SATB2: variants seen among roughly 807,000 people sequenced by gnomAD.
The protein encoded by SATB2 is DNA-binding protein SATB2.
SATB2 carries 1 observed loss-of-function variant against 73.4 expected under a neutral mutation model. That is an observed-to-expected ratio of 0.01 (90% CI 0.00 to 0.06). The LOEUF (loss-of-function observed/expected upper bound fraction) is 0.06. SATB2 is among the 10% of genes least tolerant of loss of function. The pLI is 1.00. For missense variants in SATB2, 459 were observed against 945.8 expected, an observed-to-expected ratio of 0.49 and a Z score of 6.75; for synonymous variants, 397 against 367.0, an observed-to-expected ratio of 1.08 and a Z score of -0.93.
At chr2:199,409,649 AGTTTTTTTTGTTTTTTTTT>A (rs1457331148) in intron 3 of SATB2, among the ~76,000 whole-genome samples, 1 of 91,068 alleles carries the variant, frequency 1.1e-5, no homozygotes, top group Non-Finnish European at 2.9e-5. Flanking sequence ...AACCAAGACA[AGTTTTTTTTGTTTTTTTTT>A]GTTTTTTTTT....
At chr2:199,444,853 C>A (rs1691917813) in intron 2 of SATB2, among the ~76,000 whole-genome samples, 1 of 152,138 alleles carries the variant, frequency 6.6e-6, no homozygotes, top group South Asian at 2.1e-4. Flanking sequence ...TTTGTTAACA[C>A]AAATAGGATC....
At position 199,455,997 on chromosome 2, in the gene SATB2, G is replaced by T; in HGVS notation, c.41C>A (p.Pro14His). The change falls in exon 2 of 11, where the codon CCC becomes CAC. Residue 14 changes from proline (P) to histidine (H), a missense_variant. By Grantham distance (77) the Pro-to-His change is moderately conservative (BLOSUM62 -2). Coordinates refer to ENST00000417098, the MANE Select transcript of SATB2 (RefSeq NM_001172509.2). This position sits in a 1 kb window ranked among gnomAD's most constrained non-coding sequence, Gnocchi z 4.1. ...RSESPCLRDS[P>H]DRRSGSPDVK... ...GTCCGGGCTGCCGCTCCGCCGGTCG[G>T]GGCTGTCCCGCAGACACGGGCTCTC... The T allele has an allele frequency of 6.5e-7, 1 of 1,542,400 alleles. No individual in the cohort carries two copies.
chr2:199,406,401 A>G (rs1172306538), intron 3 of SATB2, among the ~76,000 whole-genome samples: 1 of 152,160 alleles, frequency 6.6e-6, no homozygotes, highest in Admixed American at 6.5e-5. Context: ...ATATGTTAAT[A>G]TGTTTCATTT....
At chr2:199,309,306 G>T (rs1450811340) in intron 9 of SATB2, among the ~76,000 whole-genome samples, 1 of 152,230 alleles carries the variant, frequency 6.6e-6, no homozygotes, top group East Asian at 1.9e-4. Flanking sequence ...ACCCAACTGG[G>T]CAGCATTTCA....
chr2:199,459,766 A>G (rs1417137164), upstream of SATB2: 1 of 152,666 alleles, frequency 6.6e-6, no homozygotes, highest in African/African-American at 2.4e-5. This position sits in a 1 kb window ranked among gnomAD's most constrained non-coding sequence, Gnocchi z 4.2. Flanking sequence ...TCTCGGGAGC[A>G]GTTCTGTAAA....
In SATB2 at chr2:199,344,362, C is replaced by A. The variant is rs567777649; in HGVS notation, c.1173+4339G>T. 3.9e-5 allele frequency among the ~76,000 whole-genome samples: 6 copies of A among 152,180 alleles called. No individual in the cohort carries two copies. In the South Asian group the frequency reaches 1.2e-3, roughly 32 times the overall value. On this transcript the variant is annotated intron_variant, in intron 7 of 10. Transcript: ENST00000417098. The stretch of plus-strand genomic sequence containing the variant: ...TATGCAACAGACTTTCTCAAAAGGA[C>A]CAGAGCCTTTCATAACCCCAGTCCA...
intron 6 of SATB2, among the ~76,000 whole-genome samples, chr2:199,359,545 C>T (rs1321135759): frequency 6.6e-6 from 1 of 152,014 alleles, no homozygotes; most frequent in Non-Finnish European, 1.5e-5. Flanking sequence ...AAGATCAGTG[C>T]ACCATATAAT....
At chr2:199,386,714 GCGCACACA>G (rs1361849206) in intron 3 of SATB2, among the ~76,000 whole-genome samples, 248 of 22,540 alleles carry the variant, frequency 0.011, 2 homozygotes, top group African/African-American at 0.042. Flanking sequence ...GCGCGCGCGC[GCGCACACA>G]CACACACACA....
intron 10 of SATB2, among the ~76,000 whole-genome samples, chr2:199,303,354 A>G (rs1687338821): frequency 6.6e-6 from 1 of 152,194 alleles, no homozygotes; most frequent in African/African-American, 2.4e-5. Context: ...TTACTGCCAG[A>G]GAAGAAGGAA....
rs1692184330 is a variant in SATB2 at position 199,272,340 on chromosome 2, G to A, written c.2073C>T (p.Asp691=). The A allele has an allele frequency of 9.3e-6, 15 of 1,613,998 alleles. No homozygotes were observed. The highest frequency in any genetic ancestry group is 4.5e-5 in the East Asian group (2 of 44,892). Residue 691 remains aspartate (D), a synonymous_variant, in exon 11 of 11, where the codon GAC becomes GAT. Coordinates refer to ENST00000417098, the MANE Select transcript of SATB2 (RefSeq NM_001172509.2). The surrounding 1 kb of genome is among the most constrained non-coding windows in gnomAD (Gnocchi z 6.7). ...CCTCTGACTCGGTCAGCAGCTCCTC[G>A]TCCTTATATTCAGCCACGTCCACCG... ...GSAVDVAEYK[D]EELLTESEEN... is the part of the protein sequence containing the mutation.
upstream of SATB2, chr2:199,458,792 T>G (rs879305359): frequency 3.6e-3 from 623 of 172,858 alleles, 1 homozygote; most frequent in Non-Finnish European, 5.6e-3. Flanking sequence ...CCTCCGCCCC[T>G]CCGAGCAACT....
At chr2:199,410,605 AC>A (rs1368154733) in intron 3 of SATB2, among the ~76,000 whole-genome samples, 1 of 152,224 alleles carries the variant, frequency 6.6e-6, no homozygotes, top group African/African-American at 2.4e-5. Context: ...AGGTGAGACC[AC>A]AACTCTGAAA....
chr2:199,439,127 G>T (rs999435009), intron 2 of SATB2, among the ~76,000 whole-genome samples: 1 of 152,270 alleles, frequency 6.6e-6, no homozygotes, highest in Non-Finnish European at 1.5e-5. Flanking sequence ...AGGCATGGAG[G>T]GGGAAACTAA....
intron 7 of SATB2, among the ~76,000 whole-genome samples, chr2:199,345,692 C>T (rs1688630860): frequency 2.0e-5 from 3 of 152,150 alleles, no homozygotes; most frequent in Admixed American, 2.0e-4. Context: ...CTGCACCCTC[C>T]CCAGCAGCCT....
chr2:199,279,482 T>C (rs754058645), intron 10 of SATB2, among the ~76,000 whole-genome samples: 1 of 152,216 alleles, frequency 6.6e-6, no homozygotes, highest in Non-Finnish European at 1.5e-5. Context: ...TGTATCATTA[T>C]GGGGTGAGCT....
In SATB2 at chr2:199,470,634, C is replaced by A. The variant is rs531578017; in HGVS notation, c.-141+380G>T. 9 of 152,440 alleles carry A rather than the reference C, an allele frequency of 5.9e-5. No homozygotes were observed. In the East Asian group the frequency reaches 1.7e-3, roughly 29 times the overall value. The allele number at this position is 152,440 out of a possible 1,614,324, so 9.4% of individuals were successfully genotyped here. On this transcript the variant is annotated intron_variant, in intron 1 of 11. Coordinates refer to the SATB2 transcript ENST00000457245. Reference sequence around the variant, plus strand: ...AACAGCTTATTCTACAAGAAGTGCCCCCGAGGAGGATTGGGTTAAGCTTTG... The same window carrying A: ...AACAGCTTATTCTACAAGAAGTGCCACCGAGGAGGATTGGGTTAAGCTTTG...
intron 10 of SATB2, among the ~76,000 whole-genome samples, chr2:199,278,529 G>C (rs188729552): frequency 2.0e-5 from 3 of 152,152 alleles, no homozygotes; most frequent in African/African-American, 7.2e-5. Context: ...AGAGCCACAC[G>C]GCCAGAGCAT....
At chr2:199,411,761 G>A (rs1228296402) in intron 3 of SATB2, among the ~76,000 whole-genome samples, 1 of 152,074 alleles carries the variant, frequency 6.6e-6, no homozygotes, top group African/African-American at 2.4e-5. Context: ...CACAGAACAG[G>A]GAGAAAAGAG....
intron 3 of SATB2, among the ~76,000 whole-genome samples, chr2:199,394,837 T>C (rs1690251371): frequency 6.6e-6 from 1 of 152,084 alleles, no homozygotes; most frequent in Non-Finnish European, 1.5e-5. Context: ...ACTTAAGTGG[T>C]GTTTCATTTT....
Sources: allele counts gnomAD v4.1 joint callset (sites outside exome capture counted in the v4.1 genomes callset), GRCh38; gene constraint gnomAD v4.1.1; non-coding constraint Gnocchi (gnomAD v3.1); transcripts MANE v1.5; gene names NCBI Gene and HGNC (gene_info 2026-07-23, HGNC 2026-07-21).